FAT3: variants seen among roughly 807,000 people sequenced by gnomAD.
FAT3 encodes FAT atypical cadherin 3.
A neutral mutation model predicts 310.2 loss-of-function variants in FAT3; 95 were observed. The ratio of observed to expected loss-of-function variants is 0.31; its 90% CI spans 0.26 to 0.36. FAT3 has a LOEUF of 0.36. FAT3 is among the 10% of genes least tolerant of loss of function. The pLI is 1.00. For missense variants in FAT3, 5,408 were observed against 5,715.6 expected (o/e 0.95, Z 1.74); for synonymous variants, 2,314 against 2,192.9 (o/e 1.06, Z -1.54).
At chr11:92,239,441 A>G (rs1864577409) in intron 1 of FAT3, among the ~76,000 whole-genome samples, 1 of 152,134 alleles carries the variant, frequency 6.6e-6, no homozygotes, top group Admixed American at 6.5e-5. Context: ...TCCTGAGTCA[A>G]CAGTGCAGAT....
At chr11:92,564,949 T>C (rs1955374796) in intron 3 of FAT3, among the ~76,000 whole-genome samples, 1 of 141,932 alleles carries the variant, frequency 7.0e-6, no homozygotes, top group Non-Finnish European at 1.6e-5. Context: ...GATCCAAAAT[T>C]GACACCCTAA....
intron 4 of FAT3, among the ~76,000 whole-genome samples, chr11:92,715,424 A>G (rs1944653739): frequency 6.6e-6 from 1 of 151,792 alleles, no homozygotes; most frequent in Non-Finnish European, 1.5e-5. Context: ...ATAAAAAAAT[A>G]AATAAAAATA....
chr11:92,586,768 T>C (rs1939177890), intron 3 of FAT3, among the ~76,000 whole-genome samples: 1 of 152,014 alleles, frequency 6.6e-6, no homozygotes, highest in South Asian at 2.1e-4. Flanking sequence ...ATTTTTCTAC[T>C]CTTTTTGGGG....
Position 92,824,111 on chromosome 11 carries a change from C to G in FAT3, c.9482-7511C>G, listed in dbSNP as rs1948041539. 1.3e-5 allele frequency among the ~76,000 whole-genome samples: 2 copies of G among 152,264 alleles called. 1 individual carries two copies. The highest frequency in any genetic ancestry group is 4.1e-4 in the South Asian group (2 of 4,824). ...GTGGCTCACCCCTGTAATCCCAACA[C>G]TTTGGGAGGCTGAGGTGGGTGGATC... On this transcript the variant is annotated intron_variant, in intron 13 of 27. Transcript: ENST00000525166.
chr11:92,711,621 G>T lies in FAT3; in HGVS notation c.3669+14176G>T, dbSNP rs375182991. ...AAAAATCTATCCCTTGGCTGGATCT[G>T]TAATACTCTACCTTATAGCATTTAC... On this transcript the variant is annotated intron_variant, in intron 4 of 27. Transcript: ENST00000525166. 1.1e-4 allele frequency among the ~76,000 whole-genome samples: 17 copies of T among 152,278 alleles called. No individual in the cohort carries two copies. In the East Asian group the frequency reaches 3.3e-3, roughly 29 times the overall value.
At chr11:92,868,876 C>A (rs1399749689) in intron 22 of FAT3, among the ~76,000 whole-genome samples, 1 of 152,156 alleles carries the variant, frequency 6.6e-6, no homozygotes, top group Non-Finnish European at 1.5e-5. Context: ...TGGGGAATAG[C>A]AATTTTCTCT....
At chr11:92,830,165 G>C (rs1172298275) in intron 13 of FAT3, among the ~76,000 whole-genome samples, 1 of 152,140 alleles carries the variant, frequency 6.6e-6, no homozygotes. Context: ...CCACAAAGCT[G>C]TTACAATTTA....
intron 3 of FAT3, among the ~76,000 whole-genome samples, chr11:92,583,400 A>G (rs996038542): frequency 1.3e-5 from 2 of 152,154 alleles, no homozygotes; most frequent in East Asian, 3.9e-4. Flanking sequence ...AACCAGATCT[A>G]ATGGGAGAAA....
chr11:92,322,326 G>T (rs1947643454), intron 1 of FAT3, among the ~76,000 whole-genome samples: 1 of 152,068 alleles, frequency 6.6e-6, no homozygotes, highest in Admixed American at 6.5e-5. Context: ...AAAAAAAAAT[G>T]CTAAGGGTCA....
rs777308643 is a variant in FAT3 at position 92,354,333 on chromosome 11, G to T, written c.2221G>T (p.Val741Phe). ...TGTGGCTGTAAAGGAGGATCTGCCA[G>T]TTGGTGCTAACATTCTGAAGATTAA... ...SDVAVKEDLP[V>F]GANILKIKAY... Residue 741 changes from valine (V) to phenylalanine (F), a missense_variant, in exon 2 of 28, where the codon GTT becomes TTT. Physicochemically the swap from Val to Phe is conservative, Grantham distance 50. Transcript: ENST00000525166. 2.5e-6 allele frequency: 4 copies of T among 1,613,828 alleles called. No homozygotes were observed. The highest frequency in any genetic ancestry group is 3.4e-6 in the Non-Finnish European group (4 of 1,179,854).
chr11:92,703,940 G>A (rs1485920958), intron 4 of FAT3, among the ~76,000 whole-genome samples: 3 of 152,148 alleles, frequency 2.0e-5, no homozygotes, highest in Non-Finnish European at 2.9e-5. Flanking sequence ...GTGCTCTCAC[G>A]TTATATAGAT....
chr11:92,234,348 C>G (rs1864321913), intron 1 of FAT3, among the ~76,000 whole-genome samples: 1 of 152,130 alleles, frequency 6.6e-6, no homozygotes, highest in Non-Finnish European at 1.5e-5. Context: ...TTGACCTTCT[C>G]CCTCAGTACT....
Position 92,891,357 on chromosome 11 carries a change from C to T in FAT3, c.*244C>T. ...AATCCTTGATGTAGGTACCTATGTT[C>T]ACAGCTAAAAATGCAAAGAGGGAAA... On this transcript the variant is annotated 3_prime_UTR_variant, in exon 28 of 28. Transcript: ENST00000525166. 1.8e-6 allele frequency: 1 copy of T among 553,594 alleles called. No homozygotes were observed. The highest frequency in any genetic ancestry group is 3.2e-6 in the Non-Finnish European group (1 of 314,040). 34.3% of individuals were successfully genotyped at this position (553,594 alleles called of 1,614,324 possible).
At position 92,831,785 on chromosome 11, in the gene FAT3, C is replaced by T. The variant is rs762195198; in HGVS notation, c.9645C>T (p.Ser3215=). The T allele has an allele frequency of 6.2e-6, 10 of 1,613,480 alleles. No homozygotes were observed. The South Asian group carries it at 1.1e-4, about 18-fold the overall frequency. ...VRATDQSPGQ[S]LSSLTTVTIT... is the part of the protein sequence containing the mutation. ...CCACTGACCAGAGTCCTGGACAGTC[C>T]CTGTCCTCTCTCACTACTGTCACCA... The change falls in exon 14 of 28, where the codon TCC becomes TCT. Residue 3215 remains serine (S), a synonymous_variant. Coordinates refer to ENST00000525166, the MANE Select transcript of FAT3 (RefSeq NM_001367949.2).
In FAT3 at chr11:92,801,578, G is replaced by A. The variant is rs184268919; in HGVS notation, c.8565G>A (p.Ser2855=). The change falls in exon 10 of 28, where the codon TCG becomes TCA. Residue 2855 remains serine (S), a synonymous_variant. Transcript: ENST00000525166. ...GACAAGTCACTTACTCCCTCCACTC[G>A]GATTCCCAGCCCGAAAAGGTAATGG... ...ANGQVTYSLH[S]DSQPEKVMEA... is the part of the protein sequence containing the mutation. The A allele has an allele frequency of 4.2e-5, 67 of 1,609,764 alleles. No individual in the cohort carries two copies. In the East Asian group the frequency reaches 6.9e-4, roughly 17 times the overall value.
chr11:92,354,596 C>T lies in FAT3; in HGVS notation c.2484C>T (p.Ser828=). The change falls in exon 2 of 28, where the codon AGC becomes AGT. Residue 828 remains serine (S), a synonymous_variant. Coordinates refer to ENST00000525166, the MANE Select transcript of FAT3 (RefSeq NM_001367949.2). The part of the protein sequence containing the change: ...TINVEDANDN[S]PVFIQDSYSV... ...ATGTGGAGGATGCTAATGACAATAG[C>T]CCAGTTTTTATTCAAGACAGTTACT... 6.2e-7 allele frequency: 1 copy of T among 1,613,726 alleles called. No individual in the cohort carries two copies. Among genetic ancestry groups the T allele is most frequent in the Non-Finnish European group, 8.5e-7 (1 of 1,179,832 alleles).
chr11:92,526,197 C>A (rs561905557), intron 3 of FAT3, among the ~76,000 whole-genome samples: 15 of 152,148 alleles, frequency 9.9e-5, no homozygotes, highest in Non-Finnish European at 2.1e-4. Flanking sequence ...CATGCTTCTG[C>A]GGAACAGGCC....
At chr11:92,244,587 T>G (rs1365706928) in intron 1 of FAT3, among the ~76,000 whole-genome samples, 1 of 152,144 alleles carries the variant, frequency 6.6e-6, no homozygotes, top group African/African-American at 2.4e-5. Flanking sequence ...GTACCTAAAG[T>G]CCTGGGGATT....
chr11:92,284,124 G>C (rs995534309), intron 1 of FAT3, among the ~76,000 whole-genome samples: 5 of 152,016 alleles, frequency 3.3e-5, no homozygotes, highest in African/African-American at 1.2e-4. Flanking sequence ...AAGAAAGCTA[G>C]GTGCAGAATA....
Sources: allele counts gnomAD v4.1 joint callset (sites outside exome capture counted in the v4.1 genomes callset), GRCh38; gene constraint gnomAD v4.1.1; transcripts MANE v1.5; gene names NCBI Gene and HGNC (gene_info 2026-07-23, HGNC 2026-07-21).